PTPRD: variants seen among roughly 807,000 people sequenced by gnomAD.
The protein encoded by PTPRD is receptor-type tyrosine-protein phosphatase delta.
PTPRD carries 34 observed loss-of-function variants against 214.5 expected under a neutral mutation model. The ratio of observed to expected loss-of-function variants is 0.16; its 90% confidence interval spans 0.12 to 0.21. The LOEUF is 0.21. Among genes scored for constraint, PTPRD ranks in the 10% least tolerant of loss-of-function variants. The pLI is 1.00. For missense variants in PTPRD, 2,545 were observed against 2,398.7 expected, an observed-to-expected ratio of 1.06 and a Z score of -1.27; for synonymous variants, 1,128 against 845.7, an observed-to-expected ratio of 1.33 and a Z score of -5.79.
intron 6 of PTPRD, among the ~76,000 whole-genome samples, chr9:9,739,442 TAA>T (rs908646750): frequency 2.7e-4 from 41 of 152,346 alleles, no homozygotes; most frequent in African/African-American, 9.9e-4. Flanking sequence ...TCATCTTTGC[TAA>T]GTTGTATTTT....
At chr9:10,203,415 C>T (rs1014286650) in intron 3 of PTPRD, among the ~76,000 whole-genome samples, 1 of 151,920 alleles carries the variant, frequency 6.6e-6, no homozygotes, top group Non-Finnish European at 1.5e-5. Flanking sequence ...TTGGCTACCC[C>T]CCAGGACATT....
At chr9:9,571,343 A>T (rs1455341748) in intron 8 of PTPRD, among the ~76,000 whole-genome samples, 2 of 151,326 alleles carry the variant, frequency 1.3e-5, no homozygotes, top group Admixed American at 1.3e-4. Context: ...ATCTCACAAG[A>T]CAAGTATTAA....
rs112074882 is a variant in PTPRD, at chr9:9,823,271, C to T, written c.-367-56420G>A. Among the ~76,000 whole-genome samples the T allele has an allele frequency of 1.3e-3, 200 of 152,026 alleles. 1 individual carries two copies. The highest frequency in any genetic ancestry group is 4.5e-3 in the African/African-American group (188 of 41,514). ...GGGAAGGCCTCAGGAAGCTTACAATCATGATGGAAGGCAAAGGGGGAGCAG... is the reference window on the plus strand; with the variant it reads ...GGGAAGGCCTCAGGAAGCTTACAATTATGATGGAAGGCAAAGGGGGAGCAG... On this transcript the variant is annotated intron_variant, in intron 5 of 45. Coordinates refer to ENST00000381196, the MANE Select transcript of PTPRD (RefSeq NM_002839.4).
At chr9:10,383,861 C>T (rs1383418457) in intron 2 of PTPRD, among the ~76,000 whole-genome samples, 1 of 151,710 alleles carries the variant, frequency 6.6e-6, no homozygotes, top group African/African-American at 2.4e-5. Flanking sequence ...GAAATGGGAA[C>T]ATGAGCACGT....
intron 8 of PTPRD, among the ~76,000 whole-genome samples, chr9:9,488,154 T>C (rs1342384421): frequency 1.3e-5 from 2 of 152,138 alleles, no homozygotes; most frequent in Admixed American, 6.5e-5. Context: ...GCGGAATATT[T>C]TTCTCCCAGT....
intron 7 of PTPRD, among the ~76,000 whole-genome samples, chr9:9,679,955 A>G (rs577098941): frequency 1.4e-4 from 21 of 152,046 alleles, no homozygotes; most frequent in African/African-American, 5.1e-4. Context: ...AAACTGCCAT[A>G]AGTGTATTTG....
At chr9:9,565,032 T>C (rs2084082383) in intron 8 of PTPRD, among the ~76,000 whole-genome samples, 1 of 151,396 alleles carries the variant, frequency 6.6e-6, no homozygotes, top group South Asian at 2.1e-4. Context: ...AGGTCTCCAA[T>C]GTCCTGATAA....
chr9:10,544,052 C>T (rs2135402611), intron 2 of PTPRD, among the ~76,000 whole-genome samples: 1 of 152,224 alleles, frequency 6.6e-6, no homozygotes, highest in Non-Finnish European at 1.5e-5. Flanking sequence ...ACTATATCAT[C>T]ATAGTCTTAA....
chr9:10,389,424 C>G (rs541190093), intron 2 of PTPRD, among the ~76,000 whole-genome samples: 33 of 151,966 alleles, frequency 2.2e-4, no homozygotes, highest in African/African-American at 7.9e-4. Flanking sequence ...CTGATAACCA[C>G]TCAAGCTAAA....
At chr9:10,254,587 C>T (rs373913482) in intron 3 of PTPRD, among the ~76,000 whole-genome samples, 15 of 151,984 alleles carry the variant, frequency 9.9e-5, no homozygotes, top group African/African-American at 3.1e-4. Flanking sequence ...CAGTGACAAT[C>T]GAGATGACTG....
chr9:8,429,232 A>AT (rs1450698347), intron 35 of PTPRD, among the ~76,000 whole-genome samples: 1 of 150,508 alleles, frequency 6.6e-6, no homozygotes, highest in Non-Finnish European at 1.5e-5. Flanking sequence ...TTAAGTGTTT[A>AT]TATCAGGTAA....
At chr9:10,292,091 T>C (rs531362266) in intron 3 of PTPRD, among the ~76,000 whole-genome samples, 5 of 152,096 alleles carry the variant, frequency 3.3e-5, no homozygotes, top group Non-Finnish European at 7.4e-5. Flanking sequence ...GCGTTAATCC[T>C]AACCCAGGAA....
At chr9:10,085,444 A>G (rs1249804714) in intron 3 of PTPRD, among the ~76,000 whole-genome samples, 1 of 151,900 alleles carries the variant, frequency 6.6e-6, no homozygotes. Context: ...CCTGTGACAG[A>G]AAGATTGAGT....
At chr9:8,667,866 C>T (rs1258109788) in intron 12 of PTPRD, among the ~76,000 whole-genome samples, 1 of 151,978 alleles carries the variant, frequency 6.6e-6, no homozygotes, top group Admixed American at 6.5e-5. Context: ...ATTCTACAGG[C>T]AATTAATGCA....
At chr9:10,591,687 A>T (rs2075485131) in intron 2 of PTPRD, among the ~76,000 whole-genome samples, 1 of 152,078 alleles carries the variant, frequency 6.6e-6, no homozygotes, top group African/African-American at 2.4e-5. Flanking sequence ...CAAATATGCC[A>T]GCCTCATGGA....
At chr9:8,858,555 G>A (rs1224823056) in intron 11 of PTPRD, among the ~76,000 whole-genome samples, 2 of 152,242 alleles carry the variant, frequency 1.3e-5, no homozygotes, top group East Asian at 3.9e-4. Flanking sequence ...TTCCTTGTGT[G>A]GGTGATTTCT....
intron 5 of PTPRD, among the ~76,000 whole-genome samples, chr9:9,881,465 G>C (rs960421117): frequency 6.6e-6 from 1 of 152,056 alleles, no homozygotes; most frequent in Non-Finnish European, 1.5e-5. Context: ...TACCAGGGCA[G>C]GTTACATTAT....
intron 5 of PTPRD, among the ~76,000 whole-genome samples, chr9:9,789,374 C>T (rs2098950169): frequency 1.3e-5 from 2 of 152,170 alleles, no homozygotes; most frequent in Admixed American, 1.3e-4. Flanking sequence ...AAGAAGTTCA[C>T]AGAATATAAA....
chr9:8,988,880 A>T (rs2099355668), intron 11 of PTPRD, among the ~76,000 whole-genome samples: 1 of 152,158 alleles, frequency 6.6e-6, no homozygotes, highest in African/African-American at 2.4e-5. Flanking sequence ...GTCAGTCCTT[A>T]GAGATATCAT....
Sources: allele counts gnomAD v4.1 joint callset (sites outside exome capture counted in the v4.1 genomes callset), GRCh38; gene constraint gnomAD v4.1.1; transcripts MANE v1.5; gene names NCBI Gene and HGNC (gene_info 2026-07-23, HGNC 2026-07-21).